Variants in APP observed in about 807,000 individuals in gnomAD.
APP encodes the protein amyloid beta precursor protein, also known as amyloid-beta precursor protein.
In APP, 31 loss-of-function variants were observed where a neutral mutation model predicts 101.4. That is an observed-to-expected ratio of 0.31 (90% CI 0.23 to 0.41). APP has a LOEUF of 0.41. Ranked by LOEUF, APP falls within the 10% of genes least tolerant of loss-of-function variation. The pLI, the probability that APP is intolerant of heterozygous loss-of-function variation, is 1.00. For synonymous variants in APP, 366 were observed against 364.4 expected, an observed-to-expected ratio of 1.00 and a Z score of -0.05; for missense variants, 839 against 1,003.7, an observed-to-expected ratio of 0.84 and a Z score of 2.22.
intron 5 of APP, among the ~76,000 whole-genome samples, chr21:26,038,110 T>TA (rs2045202950): frequency 6.6e-6 from 1 of 152,178 alleles, no homozygotes; most frequent in South Asian, 2.1e-4. Flanking sequence ...TTCATTTTTA[T>TA]AGCAGTTTTC....
chr21:26,069,812 C>T (rs1424179616), intron 3 of APP, among the ~76,000 whole-genome samples: 1 of 152,116 alleles, frequency 6.6e-6, no homozygotes, highest in East Asian at 1.9e-4. Context: ...AAACTTGTAT[C>T]TTAAAAGATG....
intron 6 of APP, among the ~76,000 whole-genome samples, chr21:26,017,462 G>A (rs1186262426): frequency 6.6e-6 from 1 of 150,558 alleles, no homozygotes; most frequent in African/African-American, 2.4e-5. Context: ...AGTGGTGACC[G>A]TGAAAATCTA....
chr21:25,979,308 C>T (rs2042337450), intron 9 of APP, among the ~76,000 whole-genome samples: 1 of 152,162 alleles, frequency 6.6e-6, no homozygotes, highest in African/African-American at 2.4e-5. Context: ...CAGGACCTGG[C>T]CCTTGCAGTG....
intron 8 of APP, among the ~76,000 whole-genome samples, chr21:25,985,813 T>A (rs114318150): frequency 0.013 from 2,037 of 152,204 alleles, 44 homozygotes; most frequent in African/African-American, 0.046. Context: ...TTAACTCAAA[T>A]TTTTCAGCCA....
At chr21:26,165,278 AAC>A (rs1309928202) in intron 1 of APP, among the ~76,000 whole-genome samples, 3 of 152,252 alleles carry the variant, frequency 2.0e-5, no homozygotes, top group Non-Finnish European at 4.4e-5. Context: ...AGCAGCAACT[AAC>A]ACACAGTGCT....
intron 13 of APP, among the ~76,000 whole-genome samples, chr21:25,929,534 C>A (rs1482434089): frequency 6.6e-6 from 1 of 151,904 alleles, no homozygotes; most frequent in Non-Finnish European, 1.5e-5. Context: ...GATAATTAGG[C>A]CTGAGGACAC....
At position 25,881,738 on chromosome 21, in the gene APP, G is replaced by C; in HGVS notation, c.2245C>G (p.Leu749Val). 6.2e-7 allele frequency: 1 copy of C among 1,613,972 alleles called. No homozygotes were observed. Among genetic ancestry groups the C allele is most frequent in the Non-Finnish European group, 8.5e-7 (1 of 1,180,030 alleles). ...DAAVTPEERH[L>V]SKMQQNGYEN... ...TAGCCGTTCTGCTGCATCTTGGACA[G>C]GTGGCGCTCCTCTGGGGTGACAGCG... Residue 749 changes from leucine to valine, a missense_variant, in exon 18 of 18, where the codon CTG becomes GTG. By Grantham distance (32) the Leu-to-Val change is conservative (BLOSUM62 1). Coordinates refer to ENST00000346798, the MANE Select transcript of APP (RefSeq NM_000484.4).
chr21:25,902,445 G>C (rs1392906974), intron 15 of APP, among the ~76,000 whole-genome samples: 3 of 146,336 alleles, frequency 2.1e-5, no homozygotes, highest in South Asian at 2.2e-4. Flanking sequence ...TAATACATGT[G>C]CAGTAAATAC....
chr21:25,957,961 G>C lies in APP; in HGVS notation c.1459-2206C>G, dbSNP rs1010989689. 3.3e-5 allele frequency among the ~76,000 whole-genome samples: 5 copies of C among 152,074 alleles called. 1 individual carries two copies. The South Asian group carries it at 8.3e-4, about 25-fold the overall frequency. The stretch of plus-strand genomic sequence containing the variant: ...ATTGCACGACTGTACTCAAGCCTGG[G>C]AAAGAGAATAACTGCCTGTCTTTTA... On this transcript the variant is annotated intron_variant, in intron 11 of 17. Coordinates refer to ENST00000346798, the MANE Select transcript of APP (RefSeq NM_000484.4).
At position 26,166,906 on chromosome 21, in the gene APP, A is replaced by AGAGAG. The variant is rs1569055925; in HGVS notation, c.57+3657_57+3658insCTCTC. On this transcript the variant is annotated intron_variant, in intron 1 of 17. Transcript: ENST00000346798. ...AGAGAGAGAGAGAGAGAGAGAGAGAAAGAGAGAGAAAGAGACAGAGGGTGT... is the reference window on the plus strand; with the variant it reads ...AGAGAGAGAGAGAGAGAGAGAGAGAAGAGAGAGAGAGAGAAAGAGACAGAGGGTGT... Among the ~76,000 whole-genome samples, 351 of 38,128 alleles carry AGAGAG rather than the reference A, an allele frequency of 9.2e-3. 2 individuals are homozygous for AGAGAG. Among genetic ancestry groups the AGAGAG allele is most frequent in the African/African-American group, 0.029 (328 of 11,124 alleles). 25.0% of individuals were successfully genotyped at this position (38,128 alleles called of 152,430 possible). A position where few individuals can be genotyped will look rare whatever the true frequency, so the allele number is the denominator to read the frequency against.
intron 3 of APP, among the ~76,000 whole-genome samples, chr21:26,074,796 T>C (rs1015202714): frequency 6.6e-6 from 1 of 152,036 alleles, no homozygotes; most frequent in African/African-American, 2.4e-5. Context: ...CTAAGGACAA[T>C]GAAACTATTA....
intron 1 of APP, among the ~76,000 whole-genome samples, chr21:26,116,574 AT>A (rs2062439989): frequency 6.6e-6 from 1 of 152,082 alleles, no homozygotes; most frequent in Non-Finnish European, 1.5e-5. Flanking sequence ...CATCTAGGAG[AT>A]CAAAATTCCT....
chr21:26,108,327 G>A (rs2062230697), intron 2 of APP, among the ~76,000 whole-genome samples: 1 of 152,222 alleles, frequency 6.6e-6, no homozygotes, highest in Non-Finnish European at 1.5e-5. Flanking sequence ...AAAAATGAAT[G>A]TGATCATTTT....
chr21:25,884,704 T>C (rs1321373853), intron 17 of APP, among the ~76,000 whole-genome samples: 1 of 152,188 alleles, frequency 6.6e-6, no homozygotes, highest in Non-Finnish European at 1.5e-5. Context: ...TTAAAAAAAA[T>C]TATCTTGCTT....
At chr21:26,043,951 T>C (rs890035541) in intron 5 of APP, among the ~76,000 whole-genome samples, 1 of 152,240 alleles carries the variant, frequency 6.6e-6, no homozygotes, top group Non-Finnish European at 1.5e-5. Context: ...TTTTCCTATA[T>C]TGTGTTCCTA....
Position 26,155,475 on chromosome 21 carries a change from C to A in APP, c.57+15089G>T, listed in dbSNP as rs45558735. 3.9e-3 allele frequency among the ~76,000 whole-genome samples: 588 copies of A among 152,208 alleles called. 27 individuals carry two copies. In the East Asian group the frequency reaches 0.098, roughly 25 times the overall value. ...AAAACTTTAAATTAGATCTAACGGT[C>A]CTATTATACCTCTACTGGATAATTC... On this transcript the variant is annotated intron_variant, in intron 1 of 17. Coordinates refer to ENST00000346798, the MANE Select transcript of APP (RefSeq NM_000484.4).
intron 13 of APP, among the ~76,000 whole-genome samples, chr21:25,936,131 C>T (rs374930997): frequency 1.3e-5 from 2 of 152,244 alleles, no homozygotes; most frequent in African/African-American, 4.8e-5. Flanking sequence ...AACTGTGTGC[C>T]CCTGAAAATT....
intron 1 of APP, among the ~76,000 whole-genome samples, chr21:26,154,909 C>T (rs1403588268): frequency 6.6e-6 from 1 of 152,182 alleles, no homozygotes. Context: ...AACCACTAGC[C>T]ATCTGTGGCT....
chr21:26,044,047 A>C (rs1026036088), intron 5 of APP, among the ~76,000 whole-genome samples: 1 of 152,210 alleles, frequency 6.6e-6, no homozygotes, highest in African/African-American at 2.4e-5. Flanking sequence ...ACAAAATAAT[A>C]TGAGCATGAA....
Sources: allele counts gnomAD v4.1 joint callset (sites outside exome capture counted in the v4.1 genomes callset), GRCh38; gene constraint gnomAD v4.1.1; transcripts MANE v1.5; gene names NCBI Gene and HGNC (gene_info 2026-07-23, HGNC 2026-07-21).